RB1: variants seen among roughly 807,000 people sequenced by gnomAD.
The protein encoded by RB1 is RB transcriptional corepressor 1, also known as retinoblastoma-associated protein.
A neutral mutation model predicts 135.4 loss-of-function variants in RB1; 18 were observed. The observed-to-expected ratio is 0.13, with a 90% confidence interval of 0.09 to 0.20. RB1 has a LOEUF of 0.20. Ranked by LOEUF, RB1 falls within the 10% of genes least tolerant of loss-of-function variation. RB1 has a pLI of 1.00. For missense variants in RB1, 868 were observed against 1,110.0 expected, an observed-to-expected ratio of 0.78 and a Z score of 3.10; for synonymous variants, 365 against 373.2, an observed-to-expected ratio of 0.98 and a Z score of 0.25.
chr13:48,419,170 G>A (rs904279151), intron 17 of RB1, among the ~76,000 whole-genome samples: 8 of 152,006 alleles, frequency 5.3e-5, no homozygotes, highest in African/African-American at 1.7e-4. Context: ...CAAAACAATG[G>A]AAATCATAAC....
chr13:48,481,452 C>A lies in RB1; in HGVS notation c.*1381C>A. 1 of 231,120 alleles carries A rather than the reference C, an allele frequency of 4.3e-6. No homozygotes were observed. The allele number at this position is 231,120 out of a possible 1,614,324, so 14.3% of individuals were successfully genotyped here. A position where few individuals can be genotyped will look rare whatever the true frequency, so the allele number is the denominator to read the frequency against. On this transcript the variant is annotated 3_prime_UTR_variant, in exon 27 of 27. Coordinates refer to ENST00000267163, the MANE Select transcript of RB1 (RefSeq NM_000321.3). ...GGATATTTAAGGTAGCTTCAGCTAGCTTTTAGGAAAATCACTTTGTCTAAC... is the reference window on the plus strand; with the variant it reads ...GGATATTTAAGGTAGCTTCAGCTAGATTTTAGGAAAATCACTTTGTCTAAC...
rs976503237 is a variant in RB1, at chr13:48,368,560, C to T, written c.1083C>T (p.Asn361=). The part of the protein sequence containing the change: ...FETQRTPRKS[N]LDEEVNVIPP... ...CACAGAGAACACCACGAAAAAGTAA[C>T]CTTGATGAAGAGGTGAATGTAATTC... Residue 361 remains asparagine, a synonymous_variant, in exon 11 of 27, where the codon AAC becomes AAT. Transcript: ENST00000267163. The T allele has an allele frequency of 1.9e-6, 3 of 1,613,330 alleles. No individual in the cohort carries two copies. The highest frequency in any genetic ancestry group is 2.5e-6 in the Non-Finnish European group (3 of 1,179,654).
intron 26 of RB1, among the ~76,000 whole-genome samples, chr13:48,478,614 A>G (rs1045894442): frequency 6.6e-6 from 1 of 152,228 alleles, no homozygotes; most frequent in African/African-American, 2.4e-5. Flanking sequence ...ACACTTAGCT[A>G]TGATGGCGAG....
intron 17 of RB1, among the ~76,000 whole-genome samples, chr13:48,394,210 G>A (rs1452195895): frequency 6.6e-6 from 1 of 152,164 alleles, no homozygotes; most frequent in Non-Finnish European, 1.5e-5. Flanking sequence ...GAGGAACATT[G>A]CATTCCAGCC....
chr13:48,366,004 T>G (rs751666033), intron 9 of RB1, among the ~76,000 whole-genome samples: 3 of 152,206 alleles, frequency 2.0e-5, no homozygotes, highest in South Asian at 2.1e-4. Context: ...ATTACAGATA[T>G]AGCATTTCCA....
intron 17 of RB1, among the ~76,000 whole-genome samples, chr13:48,387,278 T>C (rs759929714): frequency 6.6e-6 from 1 of 152,222 alleles, no homozygotes; most frequent in African/African-American, 2.4e-5. Context: ...AAATTATTTA[T>C]GTTAACATAA....
At position 48,364,913 on chromosome 13, in the gene RB1, A is replaced by C. The variant is rs1453047397; in HGVS notation, c.881A>C (p.Lys294Thr). 6.4e-6 allele frequency: 10 copies of C among 1,561,452 alleles called. No individual in the cohort carries two copies. The highest frequency in any genetic ancestry group is 8.7e-6 in the Non-Finnish European group (10 of 1,149,546). Reference protein sequence around the residue: ...NIDEVKNVYFKNFIPFMNSLG... With the variant: ...NIDEVKNVYFTNFIPFMNSLG... ...TTTCAGGTGAAAAATGTTTATTTCA[A>C]AAATTTTATACCTTTTATGAATTCT... Residue 294 changes from lysine (K) to threonine (T), a missense_variant, in exon 9 of 27, where the codon AAA becomes ACA. Transcript: ENST00000267163.
At chr13:48,411,386 A>G (rs779953717) in intron 17 of RB1, 11 of 1,608,556 alleles carry the variant, frequency 6.8e-6, no homozygotes, top group Non-Finnish European at 8.5e-6. Context: ...TAATGGTTTT[A>G]TTTCAGGCAG....
intron 6 of RB1, among the ~76,000 whole-genome samples, chr13:48,353,428 A>G (rs1781882591): frequency 6.6e-6 from 1 of 152,128 alleles, no homozygotes; most frequent in African/African-American, 2.4e-5. Flanking sequence ...ACCAATAACA[A>G]GTAATGAGAT....
intron 7 of RB1, chr13:48,360,814 T>C: frequency 6.6e-6 from 1 of 152,114 alleles, no homozygotes. Flanking sequence ...CTTATTATAT[T>C]ATTATATACA....
chr13:48,463,893 G>C (rs2138342945), intron 21 of RB1, 58 bp downstream of exon 21: 2 of 1,022,748 alleles, frequency 2.0e-6, no homozygotes. Flanking sequence ...ACATAACATA[G>C]GTAATTCATT....
Position 48,481,789 on chromosome 13 carries a change from T to A in RB1, c.*1718T>A. 4.4e-6 allele frequency: 1 copy of A among 227,890 alleles called. No homozygotes were observed. The highest frequency in any genetic ancestry group is 6.4e-5 in the East Asian group (1 of 15,634). 14.1% of individuals were successfully genotyped at this position (227,890 alleles called of 1,614,324 possible). On this transcript the variant is annotated 3_prime_UTR_variant, in exon 27 of 27. Transcript: ENST00000267163. ...TTCAGATATTATTGCTTTATTGCTT[T>A]TTTGTATTGGTTAAAACTGTACATT... is the stretch of plus-strand genomic sequence containing the variant.
At chr13:48,446,881 G>C (rs1392345650) in intron 17 of RB1, among the ~76,000 whole-genome samples, 1 of 152,208 alleles carries the variant, frequency 6.6e-6, no homozygotes, top group Admixed American at 6.5e-5. Context: ...TTCTACGTGT[G>C]ACAGGAAGCT....
At chr13:48,465,518 G>A in intron 23 of RB1, 150 bp downstream of exon 23, 1 of 936,642 alleles carries the variant, frequency 1.1e-6, no homozygotes, top group Non-Finnish European at 1.6e-6. Context: ...AGAATATGGG[G>A]GCGGGGTGAA....
At chr13:48,385,781 CA>C (rs1398909084) in intron 17 of RB1, among the ~76,000 whole-genome samples, 2 of 152,130 alleles carry the variant, frequency 1.3e-5, no homozygotes, top group African/African-American at 4.8e-5. Context: ...CTTCTTACAA[CA>C]AAACCATTCT....
At chr13:48,396,842 A>G (rs1948652536) in intron 17 of RB1, among the ~76,000 whole-genome samples, 1 of 152,244 alleles carries the variant, frequency 6.6e-6, no homozygotes, top group African/African-American at 2.4e-5. Context: ...AAGGATATGA[A>G]CAGACACTTC....
chr13:48,352,595 A>C (rs1342455922), intron 6 of RB1, among the ~76,000 whole-genome samples: 2 of 151,864 alleles, frequency 1.3e-5, no homozygotes, highest in Non-Finnish European at 2.9e-5. Flanking sequence ...TTGTATTCCT[A>C]TGTATTCTTT....
At chr13:48,361,611 T>C (rs959245367) in intron 7 of RB1, among the ~76,000 whole-genome samples, 3 of 152,220 alleles carry the variant, frequency 2.0e-5, no homozygotes, top group Admixed American at 1.3e-4. Context: ...GACTCCTTAA[T>C]ATTACTGAAT....
At chr13:48,372,653 AAAAAAAAAAG>A (rs1444583372) in intron 11 of RB1, among the ~76,000 whole-genome samples, 1 of 151,850 alleles carries the variant, frequency 6.6e-6, no homozygotes, top group Admixed American at 6.6e-5. Flanking sequence ...TCCTTCTCAA[AAAAAAAAAAG>A]AAAAAGAAAA....
Sources: allele counts gnomAD v4.1 joint callset (sites outside exome capture counted in the v4.1 genomes callset), GRCh38; gene constraint gnomAD v4.1.1; transcripts MANE v1.5; gene names NCBI Gene and HGNC (gene_info 2026-07-23, HGNC 2026-07-21).